The following CRACDL variants were observed in gnomAD, a reference collection of about 807,000 sequenced individuals.
The protein encoded by CRACDL is CRACD-like protein.
CRACDL carries 26 observed loss-of-function variants against 70.6 expected under a neutral mutation model. That is an observed-to-expected ratio of 0.37 (90% CI 0.27 to 0.51). The LOEUF (loss-of-function observed/expected upper bound fraction) is 0.51, where lower values mean the gene tolerates loss of function less well. CRACDL is among the 20% of genes least tolerant of loss of function. The probability of loss-of-function intolerance (pLI) is 0.94; values close to 1 mark genes in which losing one functional copy is unlikely to be tolerated. For missense variants in CRACDL, 1,283 were observed against 1,376.9 expected, an observed-to-expected ratio of 0.93 and a Z score of 1.08; for synonymous variants, 618 against 615.2, an observed-to-expected ratio of 1.00 and a Z score of -0.07.
At chr2:98,827,373 G>A (rs1225130011) in intron 5 of CRACDL, among the ~76,000 whole-genome samples, 2 of 151,882 alleles carry the variant, frequency 1.3e-5, no homozygotes, top group Admixed American at 6.6e-5. Context: ...CGTGATCTCT[G>A]CTCACTGCAA....
chr2:98,935,184 C>A (rs1709176081), intron 1 of CRACDL, among the ~76,000 whole-genome samples: 1 of 152,098 alleles, frequency 6.6e-6, no homozygotes, highest in African/African-American at 2.4e-5. Flanking sequence ...TGTGAGCTGG[C>A]TCTAAAAGGG....
At position 98,806,776 on chromosome 2, in the gene CRACDL, T is replaced by C. The variant is rs1010979280; in HGVS notation, c.2417-9239A>G. 3.3e-5 allele frequency among the ~76,000 whole-genome samples: 5 copies of C among 152,226 alleles called. No homozygotes were observed. The South Asian group carries it at 1.0e-3, about 32-fold the overall frequency. ...GAAAAAGGTGAAAAATTATTCTACT[T>C]ACACTTTGAAATGTACACAAACACC... On this transcript the variant is annotated intron_variant, in intron 7 of 9. Coordinates refer to ENST00000397899, the MANE Select transcript of CRACDL (RefSeq NM_207362.3).
intron 1 of CRACDL, among the ~76,000 whole-genome samples, chr2:98,867,745 T>C (rs999552321): frequency 6.6e-6 from 1 of 152,262 alleles, no homozygotes; most frequent in African/African-American, 2.4e-5. Context: ...TGACTCGTGC[T>C]GACTGCTGCA....
In CRACDL at chr2:98,832,868, A is replaced by C; in HGVS notation, c.369T>G (p.Ala123=). The change falls in exon 4 of 10, where the codon GCT becomes GCG. Residue 123 remains alanine (A), a synonymous_variant. Coordinates refer to ENST00000397899, the MANE Select transcript of CRACDL (RefSeq NM_207362.3). ...SQENVCDRIK[A]LQLKIQCNVK... Reference sequence around the variant, plus strand: ...TGACCAAGGAAACATTTACCTGCAGAGCTTTAATCCGATCACACACATTTT... The same window carrying C: ...TGACCAAGGAAACATTTACCTGCAGCGCTTTAATCCGATCACACACATTTT... The C allele has an allele frequency of 6.2e-7, 1 of 1,614,038 alleles. No individual in the cohort carries two copies. Among genetic ancestry groups the C allele is most frequent in the Non-Finnish European group, 8.5e-7 (1 of 1,179,998 alleles).
At position 98,826,995 on chromosome 2, in the gene CRACDL, T is replaced by C. The variant is rs1705331390; in HGVS notation, c.715A>G (p.Lys239Glu). ...QVKPRNQRSSKMRRLSSRAQS... is the reference protein window; with the variant it reads ...QVKPRNQRSSEMRRLSSRAQS... ...ATTACCGATGAGAGCCGCCTCATCT[T>C]ACTCGACCGCTGGTTGCGGGGCTTG... Residue 239 changes from lysine to glutamate, a missense_variant, in exon 6 of 10, where the codon AAG (lysine) becomes GAG (glutamate). Lys to Glu is a moderately conservative substitution (Grantham distance 56, BLOSUM62 1). Transcript: ENST00000397899. 6.2e-7 allele frequency: 1 copy of C among 1,613,674 alleles called. No individual in the cohort carries two copies. Among genetic ancestry groups the C allele is most frequent in the South Asian group, 1.1e-5 (1 of 91,056 alleles).
At chr2:98,830,598 T>C (rs925339020) in intron 5 of CRACDL, among the ~76,000 whole-genome samples, 6 of 152,348 alleles carry the variant, frequency 3.9e-5, no homozygotes, top group Admixed American at 3.9e-4. Flanking sequence ...TGTTTTTAAG[T>C]CTTAAAAGCC....
chr2:98,908,681 A>G (rs1240666082), intron 1 of CRACDL, among the ~76,000 whole-genome samples: 1 of 152,212 alleles, frequency 6.6e-6, no homozygotes, highest in East Asian at 1.9e-4. Context: ...TGGACAACAG[A>G]CCAAGGCTCG....
At chr2:98,892,961 T>C (rs544123953) in intron 1 of CRACDL, among the ~76,000 whole-genome samples, 2 of 152,278 alleles carry the variant, frequency 1.3e-5, no homozygotes, top group South Asian at 4.1e-4. Context: ...GTTTCTCTGA[T>C]ACCTGGGCCT....
intron 7 of CRACDL, among the ~76,000 whole-genome samples, chr2:98,801,541 G>C (rs1264156184): frequency 6.6e-6 from 1 of 152,268 alleles, no homozygotes; most frequent in Non-Finnish European, 1.5e-5. Context: ...AGCAGGTGTA[G>C]ACACTTGCTA....
rs1573159355 is a variant in CRACDL at position 98,894,096 on chromosome 2, C to A, written c.-11+41842G>T. Reference sequence around the variant, plus strand: ...GCCTGCACTCACCTCCCCTACACACCACTTCCTCTTCCTCCGCCAGTGGCG... The same window carrying A: ...GCCTGCACTCACCTCCCCTACACACAACTTCCTCTTCCTCCGCCAGTGGCG... On this transcript the variant is annotated intron_variant, in intron 1 of 9. Transcript: ENST00000397899. Among the ~76,000 whole-genome samples, 4 of 152,354 alleles carry A rather than the reference C, an allele frequency of 2.6e-5. No individual in the cohort carries two copies. In the South Asian group the frequency reaches 6.2e-4, roughly 24 times the overall value.
In CRACDL at chr2:98,877,142, C is replaced by T. The variant is rs182584393; in HGVS notation, c.-10-30332G>A. On this transcript the variant is annotated intron_variant, in intron 1 of 9. Coordinates refer to ENST00000397899, the MANE Select transcript of CRACDL (RefSeq NM_207362.3). ...TGGCTCAGGGCAGCACTTGGCTAGA[C>T]GCTTGCTGCCTCTATTGGTAGAAAT... Among the ~76,000 whole-genome samples the T allele has an allele frequency of 1.5e-3, 226 of 152,326 alleles. 1 individual carries two copies. Among genetic ancestry groups the T allele is most frequent in the Middle Eastern group, 3.4e-3 (1 of 294 alleles).
At chr2:98,860,092 A>C (rs1706879850) in intron 1 of CRACDL, among the ~76,000 whole-genome samples, 1 of 152,244 alleles carries the variant, frequency 6.6e-6, no homozygotes, top group Non-Finnish European at 1.5e-5. Context: ...AGTAAGTTTA[A>C]CCAAGGAGGT....
rs886726514 is a variant in CRACDL at position 98,793,904 on chromosome 2, T to G, written c.*628A>C. 6.5e-6 allele frequency: 1 copy of G among 152,710 alleles called. No homozygotes were observed. The highest frequency in any genetic ancestry group is 6.5e-5 in the Admixed American group (1 of 15,288). The allele number at this position is 152,710 out of a possible 1,614,324, so 9.5% of individuals were successfully genotyped here. ...ATTGTGCAGTGGTTAAAGACACAGA[T>G]GCCTAGTGGAAAAGTTTAAAAATTA... On this transcript the variant is annotated 3_prime_UTR_variant, in exon 10 of 10. Transcript: ENST00000397899.
chr2:98,808,984 G>C (rs1241841317), intron 7 of CRACDL, among the ~76,000 whole-genome samples: 1 of 152,170 alleles, frequency 6.6e-6, no homozygotes, highest in Non-Finnish European at 1.5e-5. Flanking sequence ...AGCACTGCCC[G>C]ATCCTGGTCT....
chr2:98,822,275 G>A lies in CRACDL; in HGVS notation c.1998C>T (p.Pro666=). The A allele has an allele frequency of 6.3e-7, 1 of 1,581,710 alleles. No homozygotes were observed. The highest frequency in any genetic ancestry group is 8.5e-7 in the Non-Finnish European group (1 of 1,171,506). ...GGGCCGGCTCCTGGGCGGCTGGGCA[G>A]GGCTCTCTCGTGCCGGGCGCGGCGG... The part of the protein sequence containing the change: ...EAAAAPGTRE[P]CPAAQEPAPS... The change falls in exon 7 of 10, where the codon CCC becomes CCT. Residue 666 remains proline, a synonymous_variant. Coordinates refer to ENST00000397899, the MANE Select transcript of CRACDL (RefSeq NM_207362.3). This position sits in a 1 kb window ranked among gnomAD's most constrained non-coding sequence, Gnocchi z 4.9.
chr2:98,838,075 G>A, intron 3 of CRACDL, 44 bp downstream of exon 3: 1 of 1,520,154 alleles, frequency 6.6e-7, no homozygotes, highest in Non-Finnish European at 8.9e-7. Flanking sequence ...ATGAAATCAT[G>A]TATTTAGGTG....
intron 1 of CRACDL, among the ~76,000 whole-genome samples, chr2:98,848,950 G>A (rs898675952): frequency 5.3e-5 from 8 of 152,308 alleles, no homozygotes; most frequent in East Asian, 1.9e-4. Flanking sequence ...CAGATATGGC[G>A]TCTACACTCA....
At chr2:98,882,791 C>T (rs1301463488) in intron 1 of CRACDL, among the ~76,000 whole-genome samples, 1 of 152,198 alleles carries the variant, frequency 6.6e-6, no homozygotes, top group East Asian at 1.9e-4. Flanking sequence ...ATTTTTAGAT[C>T]TGTAGAACAA....
At chr2:98,898,258 T>C (rs1163522290) in intron 1 of CRACDL, among the ~76,000 whole-genome samples, 7 of 152,150 alleles carry the variant, frequency 4.6e-5, no homozygotes, top group Non-Finnish European at 8.8e-5. Context: ...TGATCAATAC[T>C]CAAGTGAAGA....
Sources: allele counts gnomAD v4.1 joint callset (sites outside exome capture counted in the v4.1 genomes callset), GRCh38; gene constraint gnomAD v4.1.1; non-coding constraint Gnocchi (gnomAD v3.1); transcripts MANE v1.5; gene names NCBI Gene and HGNC (gene_info 2026-07-23, HGNC 2026-07-21).